Variants in PPP1R1C observed in about 807,000 individuals in gnomAD.
PPP1R1C encodes the protein protein phosphatase 1 regulatory subunit 1C.
PPP1R1C carries 15 observed loss-of-function variants against 17.4 expected under a neutral mutation model. That is an observed-to-expected ratio of 0.86 (90% confidence interval 0.58 to 1.33). The LOEUF (loss-of-function observed/expected upper bound fraction) is 1.33. PPP1R1C is among the 40% of genes most tolerant of loss of function. The pLI, the probability that PPP1R1C is intolerant of heterozygous loss-of-function variation, is 0.00. For missense variants in PPP1R1C, 143 were observed against 130.0 expected (o/e 1.10, Z -0.48); for synonymous variants, 35 against 43.1 (o/e 0.81, Z 0.73).
chr2:181,965,623 T>A (rs1433000827), intron 1 of PPP1R1C, among the ~76,000 whole-genome samples: 1 of 152,238 alleles, frequency 6.6e-6, no homozygotes, highest in Non-Finnish European at 1.5e-5. Context: ...TGTATATTTG[T>A]TTCCGGGTTC....
At chr2:182,080,965 A>T (rs1234912518) in intron 4 of PPP1R1C, among the ~76,000 whole-genome samples, 1 of 152,228 alleles carries the variant, frequency 6.6e-6, no homozygotes, top group African/African-American at 2.4e-5. Flanking sequence ...TATGCCCCTC[A>T]TCCATGGTCA....
intron 4 of PPP1R1C, among the ~76,000 whole-genome samples, chr2:182,101,694 G>A (rs895018856): frequency 1.3e-5 from 2 of 152,320 alleles, no homozygotes; most frequent in Non-Finnish European, 1.5e-5. Context: ...GTATGTGTAC[G>A]TGTGCATATA....
intron 4 of PPP1R1C, among the ~76,000 whole-genome samples, chr2:182,096,715 A>G (rs960065751): frequency 2.6e-5 from 4 of 152,082 alleles, no homozygotes; most frequent in Admixed American, 2.6e-4. Flanking sequence ...TTATCTCCCA[A>G]CAGTGAGAGT....
chr2:181,985,542 C>T (rs1685274231), upstream of PPP1R1C, among the ~76,000 whole-genome samples: 1 of 152,146 alleles, frequency 6.6e-6, no homozygotes, highest in South Asian at 2.1e-4. This position sits in a 1 kb window ranked among gnomAD's most constrained non-coding sequence, Gnocchi z 4.1. Context: ...TCAACTGTTT[C>T]GTGGCTGAAT....
chr2:182,021,669 A>G (rs1686433362), intron 2 of PPP1R1C, among the ~76,000 whole-genome samples: 1 of 152,204 alleles, frequency 6.6e-6, no homozygotes, highest in South Asian at 2.1e-4. Flanking sequence ...CCTTAATATA[A>G]GAAAGAAGAT....
intron 1 of PPP1R1C, among the ~76,000 whole-genome samples, chr2:181,965,042 T>C (rs1369695818): frequency 6.6e-6 from 1 of 152,222 alleles, no homozygotes; most frequent in Non-Finnish European, 1.5e-5. Flanking sequence ...ATATCTCTGA[T>C]GATCAATGAT....
chr2:182,075,306 T>C (rs764178718), intron 4 of PPP1R1C, among the ~76,000 whole-genome samples: 2 of 152,228 alleles, frequency 1.3e-5, no homozygotes, highest in Non-Finnish European at 2.9e-5. Context: ...TTCATCCATG[T>C]AATACCCACA....
In PPP1R1C at chr2:182,046,334, A is replaced by G. The variant is rs536713782; in HGVS notation, c.143-15108A>G. ...TTCCCCCTGCCCTTACCCCATCCCT[A>G]GTAACCACTGTTCCACTCTCTGTGA... is the stretch of plus-strand genomic sequence containing the variant. On this transcript the variant is annotated intron_variant, in intron 2 of 4. Transcript: ENST00000682840. Among the ~76,000 whole-genome samples the G allele has an allele frequency of 2.6e-5, 4 of 152,230 alleles. No homozygotes were observed. In the South Asian group the frequency reaches 6.2e-4, roughly 24 times the overall value.
chr2:182,074,145 C>G (rs975327134), intron 4 of PPP1R1C, among the ~76,000 whole-genome samples: 16 of 151,458 alleles, frequency 1.1e-4, no homozygotes, highest in Non-Finnish European at 1.5e-5. Context: ...GGGTTCACAC[C>G]ATTCTTCTGC....
rs911003820 is a variant in PPP1R1C at position 182,026,577 on chromosome 2, T to C, written c.143-34865T>C. Among the ~76,000 whole-genome samples the C allele has an allele frequency of 8.3e-4, 126 of 151,612 alleles. 2 individuals carry two copies. Among genetic ancestry groups the C allele is most frequent in the Non-Finnish European group, 1.2e-4 (8 of 67,824 alleles). ...CTGTTCCATTGATCTATATCTCTGT[T>C]TTGGTACCAGTACCATGCTGTTTTG... On this transcript the variant is annotated intron_variant, in intron 2 of 4. Transcript: ENST00000682840.
chr2:182,129,109 C>T lies in PPP1R1C; in HGVS notation c.*142C>T, dbSNP rs577596029. 83 of 152,244 alleles carry T rather than the reference C, an allele frequency of 5.5e-4. 1 individual carries two copies. Among genetic ancestry groups the T allele is most frequent in the African/African-American group, 1.9e-3 (80 of 41,542 alleles). 9.4% of individuals were successfully genotyped at this position (152,244 alleles called of 1,614,324 possible). ...TGCCACGTTGCTTTCTACTGGATTA[C>T]CTCCTGAAGCACTTTAGATATTTTA... On this transcript the variant is annotated 3_prime_UTR_variant, in exon 6 of 6. Transcript: ENST00000280295.
At chr2:182,127,051 A>T (rs756899114) in intron 5 of PPP1R1C, among the ~76,000 whole-genome samples, 1 of 152,260 alleles carries the variant, frequency 6.6e-6, no homozygotes, top group East Asian at 1.9e-4. Flanking sequence ...TCCCAGCAGT[A>T]TATAAAATTA....
chr2:181,959,596 T>A (rs934936678), intron 1 of PPP1R1C, among the ~76,000 whole-genome samples: 1 of 152,198 alleles, frequency 6.6e-6, no homozygotes, highest in African/African-American at 2.4e-5. Context: ...GTGGGAATAT[T>A]TTGACATCTG....
At chr2:182,010,297 T>G (rs1198405931) in intron 2 of PPP1R1C, among the ~76,000 whole-genome samples, 10 of 152,096 alleles carry the variant, frequency 6.6e-5, no homozygotes, top group Admixed American at 6.6e-4. Context: ...TTCATTTTCT[T>G]TCATCAAAGT....
In PPP1R1C at chr2:182,002,940, C is replaced by A. The variant is rs868235335; in HGVS notation, c.142+15041C>A. ...GTGATGCCATAAACCTCCCCCCCCC[C>A]ACAACCCTGAAATCCCCCAGAACTG... On this transcript the variant is annotated intron_variant, in intron 2 of 4. Coordinates refer to ENST00000682840, the MANE Select transcript of PPP1R1C (RefSeq NM_001080545.3). Among the ~76,000 whole-genome samples, 36 of 137,494 alleles carry A rather than the reference C, an allele frequency of 2.6e-4. 1 individual carries two copies. The highest frequency in any genetic ancestry group is 4.2e-4 in the East Asian group (2 of 4,780). The allele number at this position is 137,494 out of a possible 152,430, so 90.2% of individuals were successfully genotyped here.
At chr2:181,987,739 G>A (rs1574354369) in intron 1 of PPP1R1C, 100 bp from the exon 2 acceptor site, 5 of 1,214,434 alleles carry the variant, frequency 4.1e-6, no homozygotes, top group East Asian at 2.5e-5. Context: ...GCTTTTGCAT[G>A]TGGGGAAAAG....
intron 2 of PPP1R1C, among the ~76,000 whole-genome samples, chr2:182,041,879 A>G (rs751043503): frequency 3.3e-5 from 5 of 152,068 alleles, no homozygotes; most frequent in Admixed American, 1.3e-4. Context: ...TGGCAGCTTT[A>G]TAGTGCTTAA....
At chr2:182,056,240 A>G (rs1302953534) in intron 2 of PPP1R1C, among the ~76,000 whole-genome samples, 11 of 152,192 alleles carry the variant, frequency 7.2e-5, no homozygotes, top group Admixed American at 7.2e-4. Flanking sequence ...ACACGAAGTC[A>G]GTTCTGCTGA....
chr2:182,042,659 G>C (rs4666807), intron 2 of PPP1R1C, among the ~76,000 whole-genome samples: 24,119 of 152,144 alleles, frequency 0.16, 2,437 homozygotes, highest in South Asian at 0.28. Flanking sequence ...GGTTGAGGTG[G>C]AATGAAGTAA....
Sources: gnomAD v4.1 joint callset for allele counts (sites outside exome capture counted in the v4.1 genomes callset) on GRCh38, gnomAD v4.1.1 for gene constraint, Gnocchi (gnomAD v3.1) non-coding constraint, MANE v1.5 for transcripts, NCBI Gene and HGNC (gene_info 2026-07-23, HGNC 2026-07-21) for gene names.